Variants in FRAS1 observed in about 807,000 individuals in gnomAD.
FRAS1 encodes extracellular matrix organizing protein FRAS1.
FRAS1 carries 290 observed loss-of-function variants against 435.2 expected under a neutral mutation model. The ratio of observed to expected loss-of-function variants is 0.67; its 90% CI spans 0.61 to 0.73. The LOEUF (loss-of-function observed/expected upper bound fraction) is 0.73. FRAS1 is among the 30% of genes least tolerant of loss of function. FRAS1 has a pLI of 0.00. For missense variants in FRAS1, 4,860 were observed against 5,001.5 expected (o/e 0.97, Z 0.85); for synonymous variants, 1,800 against 1,851.0 (o/e 0.97, Z 0.71).
At chr4:78,325,080 A>G (rs147333802) in intron 18 of FRAS1, among the ~76,000 whole-genome samples, 1 of 152,338 alleles carries the variant, frequency 6.6e-6, no homozygotes, top group East Asian at 1.9e-4. Context: ...GAATGCAGAG[A>G]TAATAAACAT....
intron 41 of FRAS1, chr4:78,444,006 G>A (rs1718687643): frequency 5.7e-6 from 2 of 348,756 alleles, no homozygotes; most frequent in Non-Finnish European, 1.1e-5. Flanking sequence ...CCGCCATCAT[G>A]CCTGGCAAAT....
At chr4:78,113,862 G>A (rs1445984444) in intron 2 of FRAS1, among the ~76,000 whole-genome samples, 1 of 152,176 alleles carries the variant, frequency 6.6e-6, no homozygotes, top group Non-Finnish European at 1.5e-5. Flanking sequence ...TTTGGCTTTT[G>A]TTGCCATTGC....
chr4:78,169,656 C>G (rs1215566063), intron 2 of FRAS1, among the ~76,000 whole-genome samples: 1 of 152,112 alleles, frequency 6.6e-6, no homozygotes, highest in Non-Finnish European at 1.5e-5. Flanking sequence ...AACAGAGGTG[C>G]AAGGAATGTT....
In FRAS1 at chr4:78,418,930, C is replaced by T. The variant is rs566996247; in HGVS notation, c.4426-19C>T. 2.8e-6 allele frequency: 4 copies of T among 1,450,828 alleles called. No individual in the cohort carries two copies. Among genetic ancestry groups the T allele is most frequent in the East Asian group, 2.3e-5 (1 of 42,814 alleles). The allele number at this position is 1,450,828 out of a possible 1,614,324, so 89.9% of individuals were successfully genotyped here. ...TTTTTCATACCATGTGTTCCTCTTC[C>T]TTCTTAAACTTTGTTTAGGCTAGAG... On this transcript the variant is annotated intron_variant, in intron 32 of 73. Coordinates refer to ENST00000512123, the MANE Select transcript of FRAS1 (RefSeq NM_025074.7).
intron 2 of FRAS1, among the ~76,000 whole-genome samples, chr4:78,170,143 GTTT>G (rs1560561234): frequency 6.6e-6 from 1 of 152,038 alleles, no homozygotes; most frequent in Non-Finnish European, 1.5e-5. Context: ...CTGTTATTCT[GTTT>G]TTAAAGCAAC....
rs1446114547 is a variant in FRAS1, at chr4:78,363,625, C to G, written c.2535C>G (p.Asp845Glu). The G allele has an allele frequency of 6.2e-7, 1 of 1,603,872 alleles. No homozygotes were observed. Among genetic ancestry groups the G allele is most frequent in the African/African-American group, 1.3e-5 (1 of 74,828 alleles). Reference sequence around the variant, plus strand: ...TGCTCGGGGACCACTGTGTTCCTGACTGCCCTTCAGGATACTATGCAGAGA... The same window carrying G: ...TGCTCGGGGACCACTGTGTTCCTGAGTGCCCTTCAGGATACTATGCAGAGA... ...YLLLGDHCVP[D>E]CPSGYYAERG... The change falls in exon 21 of 74, where the codon GAC becomes GAG. Residue 845 changes from aspartate to glutamate, a missense_variant. Transcript: ENST00000512123.
In FRAS1 at chr4:78,379,771, T is replaced by C; in HGVS notation, c.3338T>C (p.Leu1113Pro). ...CTTCATGTGAATGGTTCCCTGATCC[T>C]CCCAATTGGTTCAATAAAGCCACTG... ...PSLHVNGSLI[L>P]PIGSIKPLDF... is the part of the protein sequence containing the mutation. The change falls in exon 27 of 74, where the codon CTC (leucine) becomes CCC (proline). Residue 1113 changes from leucine to proline, a missense_variant. Leu to Pro is a moderately conservative substitution (Grantham distance 98). Coordinates refer to ENST00000512123, the MANE Select transcript of FRAS1 (RefSeq NM_025074.7). 2 of 1,613,748 alleles carry C rather than the reference T, an allele frequency of 1.2e-6. No homozygotes were observed. Among genetic ancestry groups the C allele is most frequent in the Non-Finnish European group, 1.7e-6 (2 of 1,179,790 alleles).
At chr4:78,442,334 A>G (rs929666285) in intron 41 of FRAS1, among the ~76,000 whole-genome samples, 1 of 152,282 alleles carries the variant, frequency 6.6e-6, no homozygotes, top group African/African-American at 2.4e-5. Flanking sequence ...CTGACAAATT[A>G]CAATAAATGC....
At chr4:78,375,235 T>C (rs1731708050) in intron 25 of FRAS1, among the ~76,000 whole-genome samples, 2 of 152,180 alleles carry the variant, frequency 1.3e-5, no homozygotes, top group South Asian at 4.1e-4. Flanking sequence ...GATACAATGG[T>C]GGTAGTAGAA....
Position 78,477,950 on chromosome 4 carries a change from G to T in FRAS1, c.7987G>T (p.Ala2663Ser). 6.2e-7 allele frequency: 1 copy of T among 1,613,526 alleles called. No homozygotes were observed. The highest frequency in any genetic ancestry group is 1.3e-5 in the African/African-American group (1 of 75,022). The change falls in exon 55 of 74, where the codon GCG becomes TCG. Residue 2663 changes from alanine (A) to serine (S), a missense_variant. Transcript: ENST00000512123. ...AYALLGEFTQAKVIINDTEDE... is the reference protein window; with the variant it reads ...AYALLGEFTQSKVIINDTEDE... The stretch of plus-strand genomic sequence containing the variant: ...TGCCCTGTTAGGGGAATTCACCCAG[G>T]CGAAGGTCATTATCAACGATACCGA...
chr4:78,465,374 C>T (rs556824567), intron 49 of FRAS1, among the ~76,000 whole-genome samples: 1 of 152,210 alleles, frequency 6.6e-6, no homozygotes, highest in Non-Finnish European at 1.5e-5. Context: ...ACAATAAGTG[C>T]TATGCAGAAA....
At chr4:78,344,776 T>C (rs1029062469) in intron 20 of FRAS1, among the ~76,000 whole-genome samples, 2 of 152,182 alleles carry the variant, frequency 1.3e-5, no homozygotes, top group Non-Finnish European at 2.9e-5. Flanking sequence ...TGCGTTTCCA[T>C]TGTATTTGAT....
At chr4:78,122,479 TG>T (rs1450641302) in intron 2 of FRAS1, among the ~76,000 whole-genome samples, 1 of 152,192 alleles carries the variant, frequency 6.6e-6, no homozygotes, top group Non-Finnish European at 1.5e-5. Context: ...TGTAATCCTT[TG>T]GGTATATGCC....
intron 2 of FRAS1, among the ~76,000 whole-genome samples, chr4:78,165,501 T>C (rs1479193302): frequency 6.6e-6 from 1 of 152,176 alleles, no homozygotes; most frequent in Non-Finnish European, 1.5e-5. Flanking sequence ...CACTTACTCT[T>C]CTGTAAAATG....
At chr4:78,389,984 T>C (rs1274802556) in intron 29 of FRAS1, among the ~76,000 whole-genome samples, 3 of 152,172 alleles carry the variant, frequency 2.0e-5, no homozygotes, top group African/African-American at 7.2e-5. Flanking sequence ...GGGCCCCTTT[T>C]CATCCCTCTC....
intron 19 of FRAS1, among the ~76,000 whole-genome samples, chr4:78,336,347 C>G (rs1445912086): frequency 1.3e-5 from 2 of 152,110 alleles, no homozygotes; most frequent in Non-Finnish European, 2.9e-5. Flanking sequence ...TTCATCCTAG[C>G]CCAGCTGGTT....
rs1031435979 is a variant in FRAS1, at chr4:78,185,404, G to A, written c.109-52106G>A. 3.3e-5 allele frequency among the ~76,000 whole-genome samples: 5 copies of A among 152,306 alleles called. No individual in the cohort carries two copies. The East Asian group carries it at 9.6e-4, about 29-fold the overall frequency. On this transcript the variant is annotated intron_variant, in intron 2 of 73. Coordinates refer to ENST00000512123, the MANE Select transcript of FRAS1 (RefSeq NM_025074.7). ...GTATTTGTGCCAGAGTTTATAGATT[G>A]CAGGTTAGTTGTTAGCCTTTTCAGA...
intron 20 of FRAS1, among the ~76,000 whole-genome samples, chr4:78,341,639 A>G (rs981324062): frequency 2.0e-5 from 3 of 152,186 alleles, no homozygotes; most frequent in African/African-American, 7.2e-5. Flanking sequence ...TAATAGAAGC[A>G]ACAGAGGTTG....
At chr4:78,539,209 A>G in intron 72 of FRAS1, 85 bp from the exon 73 acceptor site, 1 of 1,339,752 alleles carries the variant, frequency 7.5e-7, no homozygotes, top group African/African-American at 1.5e-5. Context: ...AGTGATGAGT[A>G]CTTTTCTCCT....
Sources: allele counts gnomAD v4.1 joint callset (sites outside exome capture counted in the v4.1 genomes callset), GRCh38; gene constraint gnomAD v4.1.1; transcripts MANE v1.5; gene names NCBI Gene and HGNC (gene_info 2026-07-23, HGNC 2026-07-21).